Variants in PPIG observed in about 807,000 individuals in gnomAD.
The protein encoded by PPIG is peptidyl-prolyl cis-trans isomerase G.
In PPIG, 26 loss-of-function variants were observed where a neutral mutation model predicts 87.9. That is an observed-to-expected ratio of 0.30 (90% confidence interval 0.22 to 0.41). The LOEUF (loss-of-function observed/expected upper bound fraction) is 0.41, where lower values mean the gene tolerates loss of function less well. Among genes scored for constraint, PPIG ranks in the 10% least tolerant of loss-of-function variants. The pLI, the probability that PPIG is intolerant of heterozygous loss-of-function variation, is 1.00. For missense variants in PPIG, 722 were observed against 879.4 expected, an observed-to-expected ratio of 0.82 and a Z score of 2.26; for synonymous variants, 308 against 276.5, an observed-to-expected ratio of 1.11 and a Z score of -1.13.
At chr2:169,605,416 T>A (rs1422098358) in intron 4 of PPIG, among the ~76,000 whole-genome samples, 1 of 151,734 alleles carries the variant, frequency 6.6e-6, no homozygotes, top group Non-Finnish European at 1.5e-5. Flanking sequence ...GGCGGGAGAT[T>A]CGCTTGAGCC....
Position 169,637,010 on chromosome 2 carries a change from C to T in PPIG, c.1752C>T (p.Arg584=), listed in dbSNP as rs1686197476. The change falls in exon 14 of 14, where the codon CGC becomes CGT. Residue 584 remains arginine (R), a synonymous_variant. Transcript: ENST00000260970. ...GATCAAGAACCCATGACAGAGATCGCAGCAGAAGCAAGGAGTACCATAGAT... is the reference window on the plus strand; with the variant it reads ...GATCAAGAACCCATGACAGAGATCGTAGCAGAAGCAAGGAGTACCATAGAT... ...RVRSRTHDRD[R]SRSKEYHRYR... 2 of 1,613,828 alleles carry T rather than the reference C, an allele frequency of 1.2e-6. No individual in the cohort carries two copies. The highest frequency in any genetic ancestry group is 2.7e-5 in the African/African-American group (2 of 74,970).
At chr2:169,605,365 T>A (rs1685294861) in intron 4 of PPIG, among the ~76,000 whole-genome samples, 1 of 151,632 alleles carries the variant, frequency 6.6e-6, no homozygotes, top group South Asian at 2.1e-4. Context: ...CAGCTGGGTA[T>A]GGTGGTGTGT....
At chr2:169,606,271 T>G in intron 5 of PPIG, 125 bp downstream of exon 5, 1 of 752,506 alleles carries the variant, frequency 1.3e-6, no homozygotes, top group Non-Finnish European at 2.3e-6. Flanking sequence ...TTTGGTCAAT[T>G]AGAAGTACTC....
chr2:169,591,669 G>A (rs1225210562), intron 1 of PPIG, among the ~76,000 whole-genome samples: 1 of 152,006 alleles, frequency 6.6e-6, no homozygotes, highest in African/African-American at 2.4e-5. Flanking sequence ...AATTTTAACA[G>A]CTAATAAGCA....
chr2:169,624,335 G>A (rs1156448039), intron 9 of PPIG, among the ~76,000 whole-genome samples: 1 of 152,112 alleles, frequency 6.6e-6, no homozygotes, highest in Non-Finnish European at 1.5e-5. Flanking sequence ...ATACCCCCAA[G>A]TAAAGGTCAG....
At chr2:169,598,766 A>G (rs2105480381) in intron 1 of PPIG, among the ~76,000 whole-genome samples, 1 of 149,284 alleles carries the variant, frequency 6.7e-6, no homozygotes, top group South Asian at 2.1e-4. Context: ...ATTTTGTATT[A>G]TATATCAAAT....
At chr2:169,627,386 T>C (rs1366916749) in intron 9 of PPIG, among the ~76,000 whole-genome samples, 1 of 152,204 alleles carries the variant, frequency 6.6e-6, no homozygotes, top group Non-Finnish European at 1.5e-5. Context: ...CATGAGCCAC[T>C]GCACCCAGAC....
rs1302415295 is a variant in PPIG at position 169,621,227 on chromosome 2, ATTTTG to A, written c.547+6513_547+6517del. Among the ~76,000 whole-genome samples the A allele has an allele frequency of 7.9e-5, 12 of 152,132 alleles. No individual in the cohort carries two copies. In the East Asian group the frequency reaches 2.1e-3, roughly 27 times the overall value. The stretch of plus-strand genomic sequence containing the variant: ...CTCTATAATATTTAGAAACAGGTAC[ATTTTG>A]TTTTGTTTTAATTTTAAAACATCCG... On this transcript the variant is annotated intron_variant, in intron 9 of 13. Transcript: ENST00000260970.
chr2:169,599,231 AT>A (rs1685109505), intron 1 of PPIG, among the ~76,000 whole-genome samples: 1 of 152,146 alleles, frequency 6.6e-6, no homozygotes, highest in Non-Finnish European at 1.5e-5. Context: ...TGGTGAAAAA[AT>A]GTTACGTTTG....
At chr2:169,591,060 A>G (rs374755438) in intron 1 of PPIG, among the ~76,000 whole-genome samples, 1 of 152,228 alleles carries the variant, frequency 6.6e-6, no homozygotes, top group Non-Finnish European at 1.5e-5. Context: ...ACTCGGTGCT[A>G]TGCTGACTTC....
chr2:169,631,426 T>A (rs761306940), intron 10 of PPIG: 111 of 396,672 alleles, frequency 2.8e-4, no homozygotes, highest in Admixed American at 4.2e-4. Flanking sequence ...CTTGTCTTCA[T>A]CTGCCTATGG....
chr2:169,610,711 T>C (rs998524531), intron 7 of PPIG, among the ~76,000 whole-genome samples: 1 of 152,176 alleles, frequency 6.6e-6, no homozygotes, highest in Non-Finnish European at 1.5e-5. Context: ...TTTCTCACTT[T>C]CCCTTTCTTA....
intron 4 of PPIG, 137 bp downstream of exon 4, chr2:169,604,398 T>G (rs1685264789): frequency 1.4e-6 from 1 of 715,398 alleles, no homozygotes; most frequent in Non-Finnish European, 2.2e-6. Flanking sequence ...CTAGAACTCC[T>G]GGGCTCATCA....
intron 9 of PPIG, among the ~76,000 whole-genome samples, chr2:169,618,008 T>C (rs571156014): frequency 1.3e-5 from 2 of 152,300 alleles, no homozygotes; most frequent in Middle Eastern, 3.4e-3. Flanking sequence ...ATAGTTCTTA[T>C]TATTTTGAGA....
At chr2:169,594,922 G>A (rs1684978686) in intron 1 of PPIG, among the ~76,000 whole-genome samples, 1 of 150,946 alleles carries the variant, frequency 6.6e-6, no homozygotes, top group African/African-American at 2.4e-5. Context: ...ATGCCTGGCA[G>A]TTTTATTTTA....
chr2:169,593,670 G>A (rs1453544420), intron 1 of PPIG, among the ~76,000 whole-genome samples: 1 of 37,358 alleles, frequency 2.7e-5, no homozygotes, highest in Admixed American at 2.5e-4. Flanking sequence ...TTTTTTTTTT[G>A]AGACGGAGTC....
In PPIG at chr2:169,592,582, G is replaced by A. The variant is rs575789277; in HGVS notation, c.-70+8092G>A. On this transcript the variant is annotated intron_variant, in intron 1 of 13. Coordinates refer to ENST00000260970, the MANE Select transcript of PPIG (RefSeq NM_004792.3). ...GCCTCCCAGAGTGCTGGGATTATAG[G>A]CGTGAGCCACCGTGCCTGGCTCAGA... Among the ~76,000 whole-genome samples the A allele has an allele frequency of 1.7e-3, 259 of 152,160 alleles. 4 individuals carry two copies. Among genetic ancestry groups the A allele is most frequent in the Non-Finnish European group, 7.1e-4 (48 of 67,992 alleles).
chr2:169,608,219 G>A (rs930329057), intron 6 of PPIG, among the ~76,000 whole-genome samples: 3 of 151,308 alleles, frequency 2.0e-5, no homozygotes, highest in East Asian at 2.0e-4. Context: ...GGCTGGGCAC[G>A]GTGGCTCATG....
intron 9 of PPIG, among the ~76,000 whole-genome samples, chr2:169,625,424 A>C (rs1170226923): frequency 2.0e-5 from 3 of 152,176 alleles, no homozygotes; most frequent in Admixed American, 2.0e-4. Flanking sequence ...AATTTGGTAG[A>C]CACTGCTACC....
Sources: allele counts gnomAD v4.1 joint callset (sites outside exome capture counted in the v4.1 genomes callset), GRCh38; gene constraint gnomAD v4.1.1; transcripts MANE v1.5; gene names NCBI Gene and HGNC (gene_info 2026-07-23, HGNC 2026-07-21).